Variants in PYGL observed in about 807,000 individuals in gnomAD.
The protein encoded by PYGL is glycogen phosphorylase L.
PYGL carries 90 observed loss-of-function variants against 100.1 expected under a neutral mutation model. The observed-to-expected ratio is 0.90, with a 90% CI of 0.76 to 1.07. The LOEUF is 1.07. PYGL is among the 50% of genes least tolerant of loss of function. The probability of loss-of-function intolerance (pLI) is 0.00; values close to 1 mark genes in which losing one functional copy is unlikely to be tolerated. For synonymous variants in PYGL, 373 were observed against 393.0 expected (o/e 0.95, Z 0.60); for missense variants, 1,016 against 1,057.6 (o/e 0.96, Z 0.55).
At chr14:50,910,629 A>T (rs1040923259) in intron 16 of PYGL, among the ~76,000 whole-genome samples, 35 of 151,944 alleles carry the variant, frequency 2.3e-4, no homozygotes, top group African/African-American at 8.2e-4. Flanking sequence ...CTAATTTTTT[A>T]AAATTTTTGT....
At chr14:50,944,097 C>G in intron 1 of PYGL, 64 bp downstream of exon 1, 2 of 1,534,064 alleles carry the variant, frequency 1.3e-6, no homozygotes, top group South Asian at 2.3e-5. Context: ...CTCGTCCCGC[C>G]CGGCCGCGGC....
chr14:50,905,580 A>G (rs1175031543), intron 19 of PYGL, 24 bp from the exon 20 acceptor site: 3 of 1,612,548 alleles, frequency 1.9e-6, no homozygotes, highest in Non-Finnish European at 2.5e-6. Flanking sequence ...ATGCATATAC[A>G]GCCCAGAGTC....
At chr14:50,908,764 G>A in intron 18 of PYGL, 57 bp downstream of exon 18, 1 of 1,524,152 alleles carries the variant, frequency 6.6e-7, no homozygotes, top group Non-Finnish European at 9.1e-7. Flanking sequence ...GTTGGTTTAA[G>A]ATTTTCTTGT....
chr14:50,910,314 C>T (rs11846180), intron 16 of PYGL, among the ~76,000 whole-genome samples: 9,071 of 152,178 alleles, frequency 0.06, 386 homozygotes, highest in African/African-American at 0.12. Flanking sequence ...ATTTCTTTCT[C>T]GAGCTATAAA....
intron 1 of PYGL, among the ~76,000 whole-genome samples, 193 bp downstream of exon 1, chr14:50,943,968 C>G (rs1368000368): frequency 6.6e-6 from 1 of 152,192 alleles, no homozygotes; most frequent in East Asian, 1.9e-4. Context: ...GACATGAGTT[C>G]GGCGTCTGTT....
Position 50,915,485 on chromosome 14 carries a change from C to T in PYGL, c.1254G>A (p.Leu418=), listed in dbSNP as rs758027511. The T allele has an allele frequency of 1.9e-6, 3 of 1,614,090 alleles. No homozygotes were observed. Among genetic ancestry groups the T allele is most frequent in the African/African-American group, 2.7e-5 (2 of 74,930 alleles). ...NQKHLDRIVA[L]FPKDVDRLRR... ...TCAGACGGTCCACATCTTTAGGAAA[C>T]AAGGCCACAATTCTCTAGCCAAAGG... Residue 418 remains leucine (L), a synonymous_variant, in exon 11 of 20, where the codon TTG becomes TTA. Transcript: ENST00000216392.
intron 1 of PYGL, among the ~76,000 whole-genome samples, chr14:50,943,899 G>A (rs541047212): frequency 6.6e-6 from 1 of 152,374 alleles, no homozygotes; most frequent in East Asian, 1.9e-4. Flanking sequence ...CCACCTGGCG[G>A]TTTCCAGGGG....
intron 4 of PYGL, among the ~76,000 whole-genome samples, chr14:50,927,610 G>T (rs1484056605): frequency 6.6e-6 from 1 of 152,202 alleles, no homozygotes; most frequent in African/African-American, 2.4e-5. Flanking sequence ...CCAAGTAAAT[G>T]ATTGGTTTTA....
intron 1 of PYGL, among the ~76,000 whole-genome samples, chr14:50,942,404 G>GT (rs2050709183): frequency 1.4e-5 from 2 of 140,264 alleles, no homozygotes; most frequent in African/African-American, 2.5e-5. Context: ...CTACAGAGGC[G>GT]TGAGTGTGTG....
chr14:50,943,033 C>A (rs943164907), intron 1 of PYGL, among the ~76,000 whole-genome samples: 1 of 152,172 alleles, frequency 6.6e-6, no homozygotes, highest in African/African-American at 2.4e-5. Flanking sequence ...AATTTACATT[C>A]ATTTCCTTTC....
chr14:50,916,390 G>T (rs538032183), intron 9 of PYGL, among the ~76,000 whole-genome samples: 2 of 152,138 alleles, frequency 1.3e-5, no homozygotes, highest in Non-Finnish European at 2.9e-5. Flanking sequence ...ACACAAAAAT[G>T]GTAAACACAA....
At chr14:50,909,832 A>T in intron 17 of PYGL, 63 bp downstream of exon 17, 1 of 1,570,058 alleles carries the variant, frequency 6.4e-7, no homozygotes. Flanking sequence ...AAGCCCTCTG[A>T]GGTCACATAC....
intron 4 of PYGL, among the ~76,000 whole-genome samples, 165 bp downstream of exon 4, chr14:50,931,508 T>C (rs1485268181): frequency 6.6e-6 from 1 of 152,150 alleles, no homozygotes; most frequent in African/African-American, 2.4e-5. Context: ...TTGGGGAACA[T>C]ACATTCTGAA....
intron 4 of PYGL, among the ~76,000 whole-genome samples, chr14:50,928,387 G>A (rs575146959): frequency 1.3e-5 from 2 of 152,182 alleles, no homozygotes; most frequent in African/African-American, 4.8e-5. Context: ...TGTGAATCAC[G>A]CATGACTGGC....
chr14:50,906,280 T>A (rs1301374307), intron 19 of PYGL, among the ~76,000 whole-genome samples: 1 of 152,236 alleles, frequency 6.6e-6, no homozygotes, highest in African/African-American at 2.4e-5. Context: ...TCAAAAATGT[T>A]ATCAATGCAT....
intron 4 of PYGL, 77 bp downstream of exon 4, chr14:50,931,596 C>T: frequency 7.6e-7 from 1 of 1,310,454 alleles, no homozygotes; most frequent in Non-Finnish European, 1.1e-6. Flanking sequence ...GTTAAAGGTC[C>T]ATATATTATA....
Position 50,908,914 on chromosome 14 carries a change from T to C in PYGL, c.2219A>G (p.Lys740Arg), listed in dbSNP as rs763014615. ...ATTGTCAATTTGATCAATGACCAGC[T>C]TCAGCTCTGGAAGTGCCTCATAGTA... ...KEYYEALPEL[K>R]LVIDQIDNGF... Residue 740 changes from lysine to arginine, a missense_variant, in exon 18 of 20, where the codon AAG becomes AGG. Physicochemically the swap from Lys to Arg is conservative, Grantham distance 26. Transcript: ENST00000216392. The C allele has an allele frequency of 6.9e-6, 11 of 1,602,166 alleles. No individual in the cohort carries two copies. The Admixed American group carries it at 1.2e-4, about 17-fold the overall frequency.
chr14:50,941,552 C>T (rs1234308938), intron 1 of PYGL, among the ~76,000 whole-genome samples: 2 of 152,060 alleles, frequency 1.3e-5, no homozygotes, highest in South Asian at 2.1e-4. Flanking sequence ...CTAAAGTTTG[C>T]GTCTGGATTG....
At position 50,912,055 on chromosome 14, in the gene PYGL, T is replaced by G; in HGVS notation, c.1769-19A>C. Reference sequence around the variant, plus strand: ...TTAATGCCTGAAAAAGATGGAGAAGTGGATGAAATGGAAGACAGCTGACGG... The same window carrying G: ...TTAATGCCTGAAAAAGATGGAGAAGGGGATGAAATGGAAGACAGCTGACGG... On this transcript the variant is annotated intron_variant, in intron 14 of 19. Coordinates refer to ENST00000216392, the MANE Select transcript of PYGL (RefSeq NM_002863.5). 1 of 1,613,426 alleles carries G rather than the reference T, an allele frequency of 6.2e-7. No homozygotes were observed. The highest frequency in any genetic ancestry group is 8.5e-7 in the Non-Finnish European group (1 of 1,179,418).
Sources: gnomAD v4.1 joint callset for allele counts (sites outside exome capture counted in the v4.1 genomes callset) on GRCh38, gnomAD v4.1.1 for gene constraint, MANE v1.5 for transcripts, NCBI Gene and HGNC (gene_info 2026-07-23, HGNC 2026-07-21) for gene names.